NTS: variants seen among roughly 807,000 people sequenced by gnomAD.
The protein encoded by NTS is neurotensin.
Under a neutral mutation model 19.5 loss-of-function variants are expected in NTS, and 20 were observed. The observed-to-expected ratio is 1.02, with a 90% CI of 0.72 to 1.49. The LOEUF (loss-of-function observed/expected upper bound fraction) is 1.49. Ranked by LOEUF, NTS falls within the 40% of genes most tolerant of loss-of-function variation. NTS has a pLI of 0.00. For synonymous variants in NTS, 71 were observed against 63.3 expected, an observed-to-expected ratio of 1.12 and a Z score of -0.58; for missense variants, 215 against 193.1, an observed-to-expected ratio of 1.11 and a Z score of -0.67.
intron 3 of NTS, 139 bp downstream of exon 3, chr12:85,878,708 C>T (rs1565770427): frequency 2.0e-6 from 1 of 488,080 alleles, no homozygotes; most frequent in Non-Finnish European, 3.4e-6. Context: ...GTTTTGAAGT[C>T]AACATTGCTT....
chr12:85,878,552 G>A lies in NTS; in HGVS notation c.343G>A (p.Ala115Thr), dbSNP rs771818348. The A allele has an allele frequency of 3.1e-6, 5 of 1,609,990 alleles. No homozygotes were observed. The highest frequency in any genetic ancestry group is 1.1e-5 in the South Asian group (1 of 90,544). The change falls in exon 3 of 4, where the codon GCT (alanine) becomes ACT (threonine). Residue 115 changes from alanine to threonine, a missense_variant. By Grantham distance (58) the Ala-to-Thr change is moderately conservative. Transcript: ENST00000256010. The part of the protein sequence containing the change: ...YQLHKICHSR[A>T]FQHWELIQED... ...GCTCCACAAAATCTGTCACAGCAGG[G>A]CTTTTCAACACTGGGAGGTATAGCA...
chr12:85,879,686 AT>A (rs1881454091), intron 3 of NTS, among the ~76,000 whole-genome samples: 1 of 134,078 alleles, frequency 7.5e-6, no homozygotes, highest in African/African-American at 2.8e-5. Context: ...TATAAAATAT[AT>A]TTTTTGTATA....
rs1250803992 is a variant in NTS, at chr12:85,879,789, ATTTTTGTATATAAAATATAT to A, written c.360+1225_360+1244del. The stretch of plus-strand genomic sequence containing the variant: ...TGTATATAAAATATATTTTTTGTAT[ATTTTTGTATATAAAATATAT>A]TTTTATGTATATTTTATGTATATAA... On this transcript the variant is annotated intron_variant, in intron 3 of 3. Coordinates refer to ENST00000256010, the MANE Select transcript of NTS (RefSeq NM_006183.5). 5.6e-3 allele frequency among the ~76,000 whole-genome samples: 684 copies of A among 122,960 alleles called. 109 individuals carry two copies. The highest frequency in any genetic ancestry group is 8.6e-3 in the Non-Finnish European group (458 of 53,036). The allele number at this position is 122,960 out of a possible 152,430, so 80.7% of individuals were successfully genotyped here.
chr12:85,878,404 A>G lies in NTS; in HGVS notation c.195A>G (p.Val65=), dbSNP rs770290597. 1 of 1,613,554 alleles carries G rather than the reference A, an allele frequency of 6.2e-7. No homozygotes were observed. The highest frequency in any genetic ancestry group is 8.5e-7 in the Non-Finnish European group (1 of 1,179,708). Residue 65 remains valine, a synonymous_variant, in exon 3 of 4, where the codon GTA becomes GTG. Transcript: ENST00000256010. ...CTCTGCTAAATGTTTGCAGTCTTGT[A>G]AATAATTTGAACAGCCCAGCTGAGG... ...KMTLLNVCSL[V]NNLNSPAEET... is the part of the protein sequence containing the mutation.
Position 85,876,604 on chromosome 12 carries a change from T to C in NTS, c.74-36T>C, listed in dbSNP as rs573949210. On this transcript the variant is annotated intron_variant, in intron 1 of 3. Coordinates refer to ENST00000256010, the MANE Select transcript of NTS (RefSeq NM_006183.5). ...TAGATTATGATATAATTATATGATA[T>C]GTAATTATAGTAAACCTGATTTTGA... The C allele has an allele frequency of 5.5e-6, 7 of 1,275,464 alleles. No homozygotes were observed. The South Asian group carries it at 8.3e-5, about 15-fold the overall frequency. 79.0% of individuals were successfully genotyped at this position (1,275,464 alleles called of 1,614,324 possible). A position where few individuals can be genotyped will look rare whatever the true frequency, so the allele number is the denominator to read the frequency against.
At chr12:85,878,300 T>C in intron 2 of NTS, 45 bp from the exon 3 acceptor site, 1 of 1,396,518 alleles carries the variant, frequency 7.2e-7, no homozygotes, top group Non-Finnish European at 9.8e-7. Flanking sequence ...TTCTTGCTCA[T>C]GTAACACAAG....
intron 1 of NTS, among the ~76,000 whole-genome samples, chr12:85,876,222 A>G (rs2136589466): frequency 6.6e-6 from 1 of 152,088 alleles, no homozygotes; most frequent in East Asian, 1.9e-4. Flanking sequence ...GTCTTGAAAA[A>G]GTCTCTTGTA....
chr12:85,880,759 C>T (rs182847114), intron 3 of NTS, among the ~76,000 whole-genome samples: 2,296 of 152,048 alleles, frequency 0.015, 22 homozygotes, highest in Middle Eastern at 0.037. Context: ...GAGACCATCC[C>T]GGCTAACACG....
intron 3 of NTS, among the ~76,000 whole-genome samples, chr12:85,879,655 AT>A (rs1473415915): frequency 7.0e-5 from 9 of 128,092 alleles, no homozygotes; most frequent in Admixed American, 6.3e-4. Flanking sequence ...TATAAAATAT[AT>A]TTTTTGTATA....
chr12:85,878,187 A>C (rs1881389494), intron 2 of NTS, 158 bp from the exon 3 acceptor site: 1 of 554,854 alleles, frequency 1.8e-6, no homozygotes, highest in African/African-American at 1.9e-5. Context: ...TTGGCAGTAT[A>C]CAACTTTGTG....
intron 3 of NTS, among the ~76,000 whole-genome samples, chr12:85,881,940 AAT>A (rs1881511886): frequency 1.3e-5 from 2 of 152,032 alleles, no homozygotes; most frequent in African/African-American, 4.8e-5. Context: ...ACGGCCTTGA[AAT>A]ATATAGTTAG....
chr12:85,877,040 A>G (rs1290299654), intron 2 of NTS, among the ~76,000 whole-genome samples: 1 of 152,106 alleles, frequency 6.6e-6, no homozygotes, highest in Non-Finnish European at 1.5e-5. Flanking sequence ...ATGAAAACAA[A>G]GTGAGCTCTT....
At chr12:85,877,083 G>T (rs1343705844) in intron 2 of NTS, among the ~76,000 whole-genome samples, 3 of 152,002 alleles carry the variant, frequency 2.0e-5, no homozygotes, top group Non-Finnish European at 4.4e-5. Flanking sequence ...GAAATAAAAA[G>T]GTGTTCCTAA....
At chr12:85,874,893 C>T (rs936252419) in intron 1 of NTS, among the ~76,000 whole-genome samples, 1 of 152,054 alleles carries the variant, frequency 6.6e-6, no homozygotes, top group Non-Finnish European at 1.5e-5. Flanking sequence ...AAGCGGTGGC[C>T]CTCACGCCCT....
At chr12:85,875,864 AG>A in intron 1 of NTS, among the ~76,000 whole-genome samples, 1 of 152,122 alleles carries the variant, frequency 6.6e-6, no homozygotes, top group East Asian at 1.9e-4. Context: ...CTGAGTGTGT[AG>A]TACAAGGAAG....
intron 1 of NTS, among the ~76,000 whole-genome samples, chr12:85,876,121 A>C (rs1464736830): frequency 6.6e-6 from 1 of 151,910 alleles, no homozygotes; most frequent in East Asian, 1.9e-4. Flanking sequence ...CAATTCTTTC[A>C]ACGTGTGTTT....
Position 85,876,712 on chromosome 12 carries a change from CT to C in NTS, c.135+15del, listed in dbSNP as rs1277559536. ...ATGCATACATCAAAGGTAACTTTTT[CT>C]TTTCTTTAACCCTGAGTTGAAGAAC... On this transcript the variant is annotated intron_variant, in intron 2 of 3. Transcript: ENST00000256010. 6.7e-7 allele frequency: 1 copy of C among 1,502,700 alleles called. No individual in the cohort carries two copies. The highest frequency in any genetic ancestry group is 9.1e-7 in the Non-Finnish European group (1 of 1,096,668). The allele number at this position is 1,502,700 out of a possible 1,614,324, so 93.1% of individuals were successfully genotyped here.
At position 85,882,477 on chromosome 12, in the gene NTS, C is replaced by G; in HGVS notation, c.*102C>G. 1.1e-6 allele frequency: 1 copy of G among 925,980 alleles called. No individual in the cohort carries two copies. Among genetic ancestry groups the G allele is most frequent in the Non-Finnish European group, 1.6e-6 (1 of 618,426 alleles). The allele number at this position is 925,980 out of a possible 1,614,324, so 57.4% of individuals were successfully genotyped here. The stretch of plus-strand genomic sequence containing the variant: ...ATGTGACAAACACACTTATCTGTCT[C>G]TTCTACAATTGTGGTTTATTGAATG... On this transcript the variant is annotated 3_prime_UTR_variant, in exon 4 of 4. Coordinates refer to ENST00000256010, the MANE Select transcript of NTS (RefSeq NM_006183.5).
intron 3 of NTS, among the ~76,000 whole-genome samples, chr12:85,881,610 G>A (rs1482663337): frequency 6.6e-6 from 1 of 152,084 alleles, no homozygotes; most frequent in Non-Finnish European, 1.5e-5. Flanking sequence ...CTAAGCACCA[G>A]CATCTAAAGA....
Sources: allele counts gnomAD v4.1 joint callset (sites outside exome capture counted in the v4.1 genomes callset), GRCh38; gene constraint gnomAD v4.1.1; transcripts MANE v1.5; gene names NCBI Gene and HGNC (gene_info 2026-07-23, HGNC 2026-07-21).